APLP2: variants seen among roughly 807,000 people sequenced by gnomAD.
The protein encoded by APLP2 is CDEI box-binding protein.
In APLP2, 53 loss-of-function variants were observed where a neutral mutation model predicts 89.9. That is an observed-to-expected ratio of 0.59 (90% CI 0.47 to 0.74). APLP2 has a LOEUF of 0.74. Ranked by LOEUF, APLP2 falls within the 30% of genes least tolerant of loss-of-function variation. The pLI is 0.00. For synonymous variants in APLP2, 372 were observed against 348.6 expected (o/e 1.07, Z -0.75); for missense variants, 973 against 975.9 (o/e 1.00, Z 0.04).
At position 130,143,375 on chromosome 11, in the gene APLP2, G is replaced by A. The variant is rs141028580; in HGVS notation, c.2183G>A (p.Arg728His). 1.6e-5 allele frequency: 26 copies of A among 1,613,966 alleles called. No individual in the cohort carries two copies. The highest frequency in any genetic ancestry group is 1.6e-4 in the Middle Eastern group (1 of 6,084). ...EVDPMLTPEE[R>H]HLNKMQNHGY... ...GATCCAATGCTCACCCCAGAAGAGC[G>A]TCACCTGAACAAGATGCAGAACCAT... Residue 728 changes from arginine to histidine, a missense_variant, in exon 17 of 17, where the codon CGT becomes CAT. Coordinates refer to ENST00000338167, the MANE Select transcript of APLP2 (RefSeq NM_001142276.2).
chr11:130,082,756 T>A, intron 1 of APLP2: 1 of 234,772 alleles, frequency 4.3e-6, no homozygotes. Context: ...GGCTGTATTG[T>A]AGGAAAGCCT....
intron 3 of APLP2, among the ~76,000 whole-genome samples, chr11:130,115,601 TTA>T (rs1229613267): frequency 1.4e-4 from 21 of 152,350 alleles, no homozygotes; most frequent in African/African-American, 4.8e-4. Context: ...CAGTAGAGCT[TTA>T]TGTTTGTCCA....
chr11:130,070,769 G>A (rs1464965929), intron 1 of APLP2: 11 of 1,393,266 alleles, frequency 7.9e-6, no homozygotes, highest in Non-Finnish European at 8.4e-6. Context: ...GCTTTCGTGA[G>A]GGTTTCAGTG....
chr11:130,104,713 A>C (rs2135729773), intron 1 of APLP2, among the ~76,000 whole-genome samples: 1 of 152,230 alleles, frequency 6.6e-6, no homozygotes, highest in East Asian at 1.9e-4. Context: ...CTGTAGCTTC[A>C]CGTGCATTCA....
In APLP2 at chr11:130,121,894, C is replaced by T. The variant is rs933511016; in HGVS notation, c.713+84C>T. 13 of 1,545,362 alleles carry T rather than the reference C, an allele frequency of 8.4e-6. No individual in the cohort carries two copies. In the African/African-American group the frequency reaches 1.5e-4, roughly 18 times the overall value. On this transcript the variant is annotated intron_variant, in intron 5 of 16. Coordinates refer to ENST00000338167, the MANE Select transcript of APLP2 (RefSeq NM_001142276.2). ...AGACGGCTGTTGGCTGCTAGTCCCTCACTTCTGGATAAACTGGGCATTCCT... is the reference window on the plus strand; with the variant it reads ...AGACGGCTGTTGGCTGCTAGTCCCTTACTTCTGGATAAACTGGGCATTCCT...
At chr11:130,101,905 T>A in intron 1 of APLP2, 2 of 454,924 alleles carry the variant, frequency 4.4e-6, no homozygotes, top group African/African-American at 2.0e-5. Flanking sequence ...TGCATTGCAT[T>A]TACTTGTCAT....
At chr11:130,142,380 A>T (rs1414388543) in intron 16 of APLP2, among the ~76,000 whole-genome samples, 10 of 146,468 alleles carry the variant, frequency 6.8e-5, no homozygotes, top group Non-Finnish European at 1.2e-4. Context: ...TTTTCCAGGT[A>T]TTTTTTTTTT....
rs1418789344 is a variant in APLP2, at chr11:130,129,958, G to A, written c.1456-80G>A. 4 of 1,512,222 alleles carry A rather than the reference G, an allele frequency of 2.6e-6. No homozygotes were observed. In the East Asian group the frequency reaches 9.2e-5, roughly 35 times the overall value. 93.7% of individuals were successfully genotyped at this position (1,512,222 alleles called of 1,614,324 possible). On this transcript the variant is annotated intron_variant, in intron 10 of 16. Coordinates refer to ENST00000338167, the MANE Select transcript of APLP2 (RefSeq NM_001142276.2). ...CTAGCTGAGCTTTACATTCTTAAGT[G>A]AACTTTTTAAGCTTTTGTTTTCCTG...
At chr11:130,087,060 A>G (rs1318723054) in intron 1 of APLP2, among the ~76,000 whole-genome samples, 20 of 152,224 alleles carry the variant, frequency 1.3e-4, no homozygotes, top group Admixed American at 1.3e-3. Context: ...TTGTCATAAC[A>G]GTATTGTCTT....
In APLP2 at chr11:130,123,762, C is replaced by G; in HGVS notation, c.1073C>G (p.Ala358Gly). ...TTTGAGTCTGAGGATTATTGTATGG[C>G]TGTGTGTAAAGCGATGAGTAAGTCC... ...NNFESEDYCM[A>G]VCKAMIPPTP... The change falls in exon 7 of 17, where the codon GCT becomes GGT. Residue 358 changes from alanine to glycine, a missense_variant. Transcript: ENST00000338167. This position sits in a 1 kb window ranked among gnomAD's most constrained non-coding sequence, Gnocchi z 4.0. 6.2e-7 allele frequency: 1 copy of G among 1,614,180 alleles called. No individual in the cohort carries two copies. The highest frequency in any genetic ancestry group is 8.5e-7 in the Non-Finnish European group (1 of 1,180,002).
intron 1 of APLP2, among the ~76,000 whole-genome samples, chr11:130,088,457 G>T (rs1042356849): frequency 6.6e-6 from 1 of 151,970 alleles, no homozygotes; most frequent in Non-Finnish European, 1.5e-5. Flanking sequence ...TTAGCAATGC[G>T]AATCATCTAG....
At position 130,141,732 on chromosome 11, in the gene APLP2, A is replaced by G. The variant is rs1952420276; in HGVS notation, c.1998+160A>G. ...TTTGGATAAGAAAGCTAAAATTAAA[A>G]TCTCCATGGAGATTGGGAAGAGTGG... is the stretch of plus-strand genomic sequence containing the variant. On this transcript the variant is annotated intron_variant, in intron 15 of 16. Transcript: ENST00000338167. The surrounding 1 kb of genome is among the most constrained non-coding windows in gnomAD (Gnocchi z 4.2). 2 of 919,136 alleles carry G rather than the reference A, an allele frequency of 2.2e-6. No homozygotes were observed. Among genetic ancestry groups the G allele is most frequent in the African/African-American group, 1.7e-5 (1 of 59,550 alleles). 56.9% of individuals were successfully genotyped at this position (919,136 alleles called of 1,614,324 possible). A position where few individuals can be genotyped will look rare whatever the true frequency, so the allele number is the denominator to read the frequency against.
intron 1 of APLP2, among the ~76,000 whole-genome samples, chr11:130,077,819 A>G (rs1430310399): frequency 6.6e-6 from 1 of 152,242 alleles, no homozygotes; most frequent in African/African-American, 2.4e-5. Context: ...ATGATTTTAG[A>G]AGGTAAGAAT....
rs1565588184 is a variant in APLP2 at position 130,121,763 on chromosome 11, GGAAGAGGAAGAGGAAGAT to G, written c.678_695del (p.Glu226_Glu231del). 1.5e-6 allele frequency: 2 copies of G among 1,330,534 alleles called. No individual in the cohort carries two copies. Among genetic ancestry groups the G allele is most frequent in the African/African-American group, 2.0e-5 (1 of 49,778 alleles). The allele number at this position is 1,330,534 out of a possible 1,614,324, so 82.4% of individuals were successfully genotyped here. On this transcript the variant is annotated inframe_deletion, in exon 5 of 17. Coordinates refer to ENST00000338167, the MANE Select transcript of APLP2 (RefSeq NM_001142276.2). ...AAGAAGAGGAAGAGGAAGATGAAGA[GGAAGAGGAAGAGGAAGAT>G]GAAGAGGAAGACTATGATGTTTATA... is the stretch of plus-strand genomic sequence containing the variant.
chr11:130,116,587 C>A lies in APLP2; in HGVS notation c.404-4119C>A, dbSNP rs181219571. Among the ~76,000 whole-genome samples the A allele has an allele frequency of 9.9e-3, 1,508 of 152,156 alleles. 33 individuals carry two copies. The highest frequency in any genetic ancestry group is 0.035 in the African/African-American group (1,441 of 41,544). On this transcript the variant is annotated intron_variant, in intron 3 of 16. Transcript: ENST00000338167. ...TGCGGCCTTGGTCCTGCGTGTCCCC[C>A]TTTCCACCCTGCAGCTGAGATTACA...
chr11:130,083,009 A>T (rs1309883455), intron 1 of APLP2, among the ~76,000 whole-genome samples: 2 of 139,220 alleles, frequency 1.4e-5, no homozygotes, highest in African/African-American at 5.7e-5. Context: ...TATATTAACC[A>T]CTGAAACTTT....
In APLP2 at chr11:130,110,585, G is replaced by A. The variant is rs369206839; in HGVS notation, c.327G>A (p.Arg109=). Residue 109 remains arginine, a synonymous_variant, in exon 3 of 17, where the codon CGG becomes CGA. Transcript: ENST00000338167. ...CAAATGTGATGGAGGCAAACCAGCG[G>A]GTTAGTATTGACAACTGGTGCCGGA... is the stretch of plus-strand genomic sequence containing the variant. The part of the protein sequence containing the change: ...QITNVMEANQ[R]VSIDNWCRRD... The A allele has an allele frequency of 1.2e-6, 2 of 1,613,708 alleles. No individual in the cohort carries two copies. Among genetic ancestry groups the A allele is most frequent in the East Asian group, 2.2e-5 (1 of 44,826 alleles).
Position 130,071,090 on chromosome 11 carries a change from C to T in APLP2, c.105+1008C>T, listed in dbSNP as rs1476373671. On this transcript the variant is annotated intron_variant, in intron 1 of 16. Transcript: ENST00000338167. ...GGTCTGGAATGTGTAGTTCTGGTGT[C>T]GTTTATTTCTTCTCCCTCTTCGCTC... 4.6e-5 allele frequency among the ~76,000 whole-genome samples: 7 copies of T among 152,176 alleles called. No individual in the cohort carries two copies. The East Asian group carries it at 1.4e-3, about 29-fold the overall frequency.
At chr11:130,106,922 C>T (rs1320151074) in intron 1 of APLP2, among the ~76,000 whole-genome samples, 36 of 152,126 alleles carry the variant, frequency 2.4e-4, no homozygotes, top group African/African-American at 7.2e-5. Context: ...CTCTCGACCT[C>T]GTGATCTGCC....
Sources: allele counts gnomAD v4.1 joint callset (sites outside exome capture counted in the v4.1 genomes callset), GRCh38; gene constraint gnomAD v4.1.1; non-coding constraint Gnocchi (gnomAD v3.1); transcripts MANE v1.5; gene names NCBI Gene and HGNC (gene_info 2026-07-23, HGNC 2026-07-21).